Variants in ENAH observed in about 807,000 individuals in gnomAD.
ENAH encodes the protein ENAH actin regulator, also known as protein enabled homolog.
ENAH carries 23 observed loss-of-function variants against 78.7 expected under a neutral mutation model. That is an observed-to-expected ratio of 0.29 (90% CI 0.21 to 0.41). ENAH has a LOEUF of 0.41. Among genes scored for constraint, ENAH ranks in the 10% least tolerant of loss-of-function variants. ENAH has a pLI of 1.00. For missense variants in ENAH, 544 were observed against 691.0 expected (o/e 0.79, Z 2.39); for synonymous variants, 226 against 241.0 (o/e 0.94, Z 0.58).
At chr1:225,574,517 G>A (rs558780369) in intron 1 of ENAH, among the ~76,000 whole-genome samples, 156 of 151,946 alleles carry the variant, frequency 1.0e-3, no homozygotes, top group Non-Finnish European at 1.5e-3. Context: ...CATGAGATTC[G>A]CTTGAACCTG....
At chr1:225,607,857 A>G (rs2096964817) in intron 1 of ENAH, among the ~76,000 whole-genome samples, 2 of 152,204 alleles carry the variant, frequency 1.3e-5, no homozygotes. Context: ...AGCCAGATTC[A>G]CCAGTTCATC....
At chr1:225,520,013 G>T (rs752418508) in intron 4 of ENAH, among the ~76,000 whole-genome samples, 5 of 152,148 alleles carry the variant, frequency 3.3e-5, no homozygotes, top group Admixed American at 6.5e-5. Flanking sequence ...TACTGAATGG[G>T]CCAGGTGTAG....
chr1:225,522,618 CAG>C (rs951031725), intron 4 of ENAH, among the ~76,000 whole-genome samples: 1 of 152,092 alleles, frequency 6.6e-6, no homozygotes, highest in African/African-American at 2.4e-5. Flanking sequence ...TAATAATAAA[CAG>C]AGGAAAGTCA....
At chr1:225,613,343 CCTT>C (rs1374870307) in intron 1 of ENAH, among the ~76,000 whole-genome samples, 1 of 152,174 alleles carries the variant, frequency 6.6e-6, no homozygotes, top group African/African-American at 2.4e-5. Context: ...ATTGGTACAT[CCTT>C]CTCCTCCATT....
intron 3 of ENAH, among the ~76,000 whole-genome samples, chr1:225,535,968 T>C (rs759323816): frequency 2.6e-5 from 4 of 152,242 alleles, no homozygotes; most frequent in East Asian, 3.9e-4. Context: ...TTTAGGAGAA[T>C]TGAATCTGAA....
At chr1:225,516,657 T>C (rs1449521147) in intron 6 of ENAH, among the ~76,000 whole-genome samples, 1 of 152,118 alleles carries the variant, frequency 6.6e-6, no homozygotes, top group Non-Finnish European at 1.5e-5. Flanking sequence ...GCAGATCACA[T>C]GAGGTCAGGA....
At chr1:225,619,419 C>T (rs1656399017) in intron 1 of ENAH, among the ~76,000 whole-genome samples, 1 of 152,142 alleles carries the variant, frequency 6.6e-6, no homozygotes, top group South Asian at 2.1e-4. Flanking sequence ...TGGCAAGCAC[C>T]TGTAGTCCCA....
At chr1:225,641,904 C>G (rs1661131627) in intron 1 of ENAH, among the ~76,000 whole-genome samples, 1 of 152,092 alleles carries the variant, frequency 6.6e-6, no homozygotes, top group Non-Finnish European at 1.5e-5. Flanking sequence ...ATCTGTAATT[C>G]CAGCTACTTG....
chr1:225,489,278 C>T lies in ENAH; in HGVS notation c.*8497G>A, dbSNP rs1187219388. 1 of 152,072 alleles carries T rather than the reference C, an allele frequency of 6.6e-6. No individual in the cohort carries two copies. The highest frequency in any genetic ancestry group is 6.6e-5 in the Admixed American group (1 of 15,250). 9.4% of individuals were successfully genotyped at this position (152,072 alleles called of 1,614,324 possible). ...CTTTCTGAACGGCAGAATGTGCTTC[C>T]AGGTTGAAGCACAATGGAGAATGTA... On this transcript the variant is annotated 3_prime_UTR_variant, in exon 14 of 14. Transcript: ENST00000366843.
chr1:225,552,980 TC>T (rs1293893816), intron 3 of ENAH, among the ~76,000 whole-genome samples: 1 of 152,206 alleles, frequency 6.6e-6, no homozygotes. Context: ...ATGCCTGTAA[TC>T]CCAGCACTTT....
intron 1 of ENAH, among the ~76,000 whole-genome samples, chr1:225,623,586 GGT>G (rs1491353625): frequency 2.1e-5 from 2 of 97,534 alleles, no homozygotes; most frequent in African/African-American, 1.0e-4. Flanking sequence ...TTTTTTGTTG[GGT>G]TTTTTTTTTT....
intron 11 of ENAH, among the ~76,000 whole-genome samples, chr1:225,504,289 G>A (rs1481407383): frequency 6.6e-6 from 1 of 152,146 alleles, no homozygotes; most frequent in African/African-American, 2.4e-5. Context: ...AACTATAGGT[G>A]TGAACCACCA....
intron 1 of ENAH, among the ~76,000 whole-genome samples, chr1:225,648,993 A>G (rs1662486414): frequency 6.6e-6 from 1 of 152,178 alleles, no homozygotes; most frequent in Non-Finnish European, 1.5e-5. Context: ...ATAAGGTCGC[A>G]AGGTGGAGCC....
chr1:225,523,531 A>G (rs1412978478), intron 4 of ENAH, among the ~76,000 whole-genome samples: 1 of 152,160 alleles, frequency 6.6e-6, no homozygotes, highest in Non-Finnish European at 1.5e-5. Flanking sequence ...GGCAATTCAT[A>G]TAGCTGCAGG....
In ENAH at chr1:225,574,611, T is replaced by TATAAAAAA. The variant is rs1558840545; in HGVS notation, c.6-7198_6-7197insTTTTTTAT. On this transcript the variant is annotated intron_variant, in intron 1 of 13. Transcript: ENST00000366843. ...AGTGAGACTCTGTCTCCAAAATATATAAAAAAAAGGCCGGGCGCGGTGGCT... is the reference window on the plus strand; with the variant it reads ...AGTGAGACTCTGTCTCCAAAATATATATAAAAAAAAAAAAAAGGCCGGGCGCGGTGGCT... 2.9e-3 allele frequency among the ~76,000 whole-genome samples: 77 copies of TATAAAAAA among 26,130 alleles called. 12 individuals are homozygous for TATAAAAAA. The highest frequency in any genetic ancestry group is 8.6e-3 in the South Asian group (13 of 1,518). The allele number at this position is 26,130 out of a possible 152,430, so 17.1% of individuals were successfully genotyped here.
At chr1:225,633,544 G>A (rs939129272) in intron 1 of ENAH, among the ~76,000 whole-genome samples, 4 of 152,108 alleles carry the variant, frequency 2.6e-5, no homozygotes, top group Admixed American at 1.3e-4. Flanking sequence ...TTGGAGTTAC[G>A]CAGGACTTAG....
chr1:225,509,925 A>G (rs2096363367), intron 10 of ENAH, among the ~76,000 whole-genome samples: 1 of 152,170 alleles, frequency 6.6e-6, no homozygotes, highest in East Asian at 1.9e-4. Context: ...AATACTCTTC[A>G]AGGAATACTA....
chr1:225,545,050 C>T (rs760616443), intron 3 of ENAH, among the ~76,000 whole-genome samples: 1 of 152,146 alleles, frequency 6.6e-6, no homozygotes, highest in Non-Finnish European at 1.5e-5. Context: ...ATAATTTTTG[C>T]CACTTCTGTG....
intron 1 of ENAH, among the ~76,000 whole-genome samples, chr1:225,618,997 C>T (rs1373444149): frequency 2.6e-5 from 4 of 152,112 alleles, no homozygotes; most frequent in Non-Finnish European, 5.9e-5. Context: ...CTTCTATCCC[C>T]AAGATGCCAA....
Sources: allele counts gnomAD v4.1 joint callset (sites outside exome capture counted in the v4.1 genomes callset), GRCh38; gene constraint gnomAD v4.1.1; transcripts MANE v1.5; gene names NCBI Gene and HGNC (gene_info 2026-07-23, HGNC 2026-07-21).